Variants in CNTNAP4 observed in about 807,000 individuals in gnomAD.
The protein encoded by CNTNAP4 is contactin-associated protein-like 4.
CNTNAP4 carries 98 observed loss-of-function variants against 148.4 expected under a neutral mutation model. The observed-to-expected ratio is 0.66, with a 90% CI of 0.56 to 0.78. The LOEUF (loss-of-function observed/expected upper bound fraction) is 0.78, where lower values mean the gene tolerates loss of function less well. Among genes scored for constraint, CNTNAP4 ranks in the 30% least tolerant of loss-of-function variants. The pLI, the probability that CNTNAP4 is intolerant of heterozygous loss-of-function variation, is 0.00. For synonymous variants in CNTNAP4, 730 were observed against 565.1 expected (o/e 1.29, Z -4.14); for missense variants, 1,935 against 1,565.6 (o/e 1.24, Z -3.98).
chr16:76,557,720 A>T (rs554894214), intron 23 of CNTNAP4: 2 of 152,262 alleles, frequency 1.3e-5, no homozygotes, highest in Admixed American at 6.5e-5. Context: ...GTTTTATACC[A>T]AATTTGGTTC....
In CNTNAP4 at chr16:76,441,489, CT is replaced by C. The variant is rs555394066; in HGVS notation, c.539-6522del. On this transcript the variant is annotated intron_variant, in intron 4 of 23. Transcript: ENST00000611870. ...AGTAGGGCGTACAATCTTTTTGAGT[CT>C]CTTCTTTCCTCGATTCTTGCTGTAA... Among the ~76,000 whole-genome samples, 620 of 152,200 alleles carry C rather than the reference CT, an allele frequency of 4.1e-3. 2 individuals are homozygous for C. The highest frequency in any genetic ancestry group is 7.0e-3 in the Non-Finnish European group (475 of 68,004).
intron 1 of CNTNAP4, among the ~76,000 whole-genome samples, chr16:76,313,248 C>G (rs1467860872): frequency 1.3e-5 from 2 of 152,160 alleles, no homozygotes; most frequent in African/African-American, 4.8e-5. Flanking sequence ...ACCAGAGAGG[C>G]ATTACATCCA....
chr16:76,292,694 C>G lies in CNTNAP4; in HGVS notation c.85+14947C>G, dbSNP rs1438908778. Among the ~76,000 whole-genome samples the G allele has an allele frequency of 2.0e-5, 3 of 149,210 alleles. No homozygotes were observed. The Admixed American group carries it at 2.0e-4, about 10-fold the overall frequency. On this transcript the variant is annotated intron_variant, in intron 1 of 23. Coordinates refer to ENST00000611870, the MANE Select transcript of CNTNAP4 (RefSeq NM_033401.5). ...CTGGCATCATAGAGTTTTCTGTCTT[C>G]CTTATCAAAAATATTTTTTTTTCTG...
At position 76,342,477 on chromosome 16, in the gene CNTNAP4, T is replaced by C. The variant is rs1026865439; in HGVS notation, c.197-12841T>C. ...AAATTGCTAATTTCTTTTTTTTTTT[T>C]TTTTTTTTTTTTTGAGATGGAGTCT... is the stretch of plus-strand genomic sequence containing the variant. On this transcript the variant is annotated intron_variant, in intron 2 of 23. Transcript: ENST00000611870. Among the ~76,000 whole-genome samples, 749 of 137,958 alleles carry C rather than the reference T, an allele frequency of 5.4e-3. 8 individuals carry two copies. Among genetic ancestry groups the C allele is most frequent in the African/African-American group, 0.019 (696 of 36,324 alleles). The allele number at this position is 137,958 out of a possible 152,430, so 90.5% of individuals were successfully genotyped here.
At chr16:76,437,148 A>G (rs1183005861) in intron 4 of CNTNAP4, among the ~76,000 whole-genome samples, 1 of 151,848 alleles carries the variant, frequency 6.6e-6, no homozygotes, top group Admixed American at 6.6e-5. Context: ...TGGGAGGAAG[A>G]TGTAGGCGGG....
At chr16:76,295,141 C>T (rs1328161943) in intron 1 of CNTNAP4, among the ~76,000 whole-genome samples, 1 of 152,086 alleles carries the variant, frequency 6.6e-6, no homozygotes, top group African/African-American at 2.4e-5. Flanking sequence ...GGAGTGGTCA[C>T]AGGCAGAACA....
intron 15 of CNTNAP4, among the ~76,000 whole-genome samples, chr16:76,502,330 A>G (rs9929083): frequency 0.028 from 4,205 of 150,082 alleles, 180 homozygotes; most frequent in African/African-American, 0.093. Context: ...TTTTTTCCAT[A>G]TGGGAAATCT....
chr16:76,296,944 C>A (rs1174074090), intron 1 of CNTNAP4, among the ~76,000 whole-genome samples: 1 of 152,228 alleles, frequency 6.6e-6, no homozygotes, highest in East Asian at 1.9e-4. Flanking sequence ...AGTTGCTCTC[C>A]GTTGGCAACT....
intron 15 of CNTNAP4, among the ~76,000 whole-genome samples, chr16:76,518,899 A>G (rs1597035351): frequency 1.3e-5 from 2 of 151,882 alleles, no homozygotes; most frequent in African/African-American, 2.4e-5. Context: ...CTCCCCCTCC[A>G]TGAGATTAGG....
At position 76,470,482 on chromosome 16, in the gene CNTNAP4, A is replaced by AATATATATAT. The variant is rs67354977; in HGVS notation, c.1655+2965_1655+2974dup. On this transcript the variant is annotated intron_variant, in intron 10 of 23. Coordinates refer to ENST00000611870, the MANE Select transcript of CNTNAP4 (RefSeq NM_033401.5). ...ATAGCAAAACCACGTCTCTACTAAT[A>AATATATATAT]ATATATATATATATAAAATTAGTCG... is the stretch of plus-strand genomic sequence containing the variant. Among the ~76,000 whole-genome samples, 46 of 96,968 alleles carry AATATATATAT rather than the reference A, an allele frequency of 4.7e-4. 4 individuals carry two copies. Among genetic ancestry groups the AATATATATAT allele is most frequent in the African/African-American group, 1.2e-3 (26 of 21,116 alleles). 63.6% of individuals were successfully genotyped at this position (96,968 alleles called of 152,430 possible). A position where few individuals can be genotyped will look rare whatever the true frequency, so the allele number is the denominator to read the frequency against.
chr16:76,520,582 AGAGT>A (rs1187258562), intron 15 of CNTNAP4, among the ~76,000 whole-genome samples: 2 of 152,172 alleles, frequency 1.3e-5, no homozygotes, highest in Non-Finnish European at 2.9e-5. Context: ...CAGCTTGGAC[AGAGT>A]AAGCTGCATG....
intron 2 of CNTNAP4, among the ~76,000 whole-genome samples, chr16:76,322,996 A>C (rs953748455): frequency 6.6e-6 from 1 of 151,732 alleles, no homozygotes; most frequent in Non-Finnish European, 1.5e-5. Flanking sequence ...CACCACACCC[A>C]CCTAATTTTT....
intron 3 of CNTNAP4, among the ~76,000 whole-genome samples, chr16:76,403,799 A>G (rs1189651814): frequency 1.3e-5 from 2 of 152,210 alleles, no homozygotes; most frequent in Non-Finnish European, 2.9e-5. Context: ...ATCAACATAA[A>G]TGCCCATAAG....
intron 1 of CNTNAP4, among the ~76,000 whole-genome samples, chr16:76,288,130 A>G (rs1052322328): frequency 2.0e-5 from 3 of 152,004 alleles, no homozygotes; most frequent in African/African-American, 7.2e-5. Flanking sequence ...TGTTCTTGTT[A>G]TAGTGAATGA....
At chr16:76,279,124 C>CCA (rs987555812) in intron 1 of CNTNAP4, among the ~76,000 whole-genome samples, 1 of 152,010 alleles carries the variant, frequency 6.6e-6, no homozygotes, top group African/African-American at 2.4e-5. Context: ...ACAACAACAC[C>CCA]CACACACAAA....
intron 2 of CNTNAP4, 58 bp from the exon 3 acceptor site, chr16:76,355,232 CAGTCGTACTGGCATTTCTTTACAAACAT>C: frequency 1.1e-6 from 1 of 941,888 alleles, no homozygotes; most frequent in South Asian, 2.3e-5. Flanking sequence ...TAGAGGAATA[CAGTCGTACTGGCATTTCTTTACAAACAT>C]AGATTTTTAA....
chr16:76,536,178 A>T, intron 18 of CNTNAP4, among the ~76,000 whole-genome samples: 1 of 151,966 alleles, frequency 6.6e-6, no homozygotes, highest in East Asian at 1.9e-4. Flanking sequence ...TTTTAAAATC[A>T]TTTAAAGCAT....
Position 76,334,538 on chromosome 16 carries a change from T to C in CNTNAP4, c.196+18015T>C, listed in dbSNP as rs183941450. Among the ~76,000 whole-genome samples the C allele has an allele frequency of 4.8e-3, 724 of 152,330 alleles. 2 individuals are homozygous for C. Among genetic ancestry groups the C allele is most frequent in the African/African-American group, 0.016 (650 of 41,564 alleles). On this transcript the variant is annotated intron_variant, in intron 2 of 23. Transcript: ENST00000611870. ...TCAAACAAAACTCTAATACTACAGTTAAACTTTTCTAGATAAAACACAAAA... is the reference window on the plus strand; with the variant it reads ...TCAAACAAAACTCTAATACTACAGTCAAACTTTTCTAGATAAAACACAAAA...
intron 15 of CNTNAP4, among the ~76,000 whole-genome samples, chr16:76,518,461 A>G (rs549339018): frequency 2.8e-4 from 43 of 152,254 alleles, no homozygotes; most frequent in African/African-American, 1.0e-3. Context: ...AGTACCCTAT[A>G]TTGAATTGAA....
Sources: gnomAD v4.1 joint callset for allele counts (sites outside exome capture counted in the v4.1 genomes callset) on GRCh38, gnomAD v4.1.1 for gene constraint, MANE v1.5 for transcripts, NCBI Gene and HGNC (gene_info 2026-07-23, HGNC 2026-07-21) for gene names.